Variants in CCDC192 observed in about 807,000 individuals in gnomAD.
The protein encoded by CCDC192 is coiled-coil domain-containing protein 192.
chr5:127,706,952 G>A (rs1257029152), intron 1 of CCDC192, among the ~76,000 whole-genome samples: 2 of 152,188 alleles, frequency 1.3e-5, no homozygotes, highest in East Asian at 3.8e-4. Context: ...GCCCTTGGAT[G>A]TGCTGGGAAC....
intron 5 of CCDC192, among the ~76,000 whole-genome samples, chr5:127,832,290 A>G (rs1028489089): frequency 6.6e-6 from 1 of 152,204 alleles, no homozygotes; most frequent in Non-Finnish European, 1.5e-5. Flanking sequence ...AATGCTGGTA[A>G]GAGTTTACAC....
At chr5:127,860,953 T>G (rs1198896149) in intron 5 of CCDC192, among the ~76,000 whole-genome samples, 1 of 152,218 alleles carries the variant, frequency 6.6e-6, no homozygotes, top group African/African-American at 2.4e-5. Context: ...ATTTGTGTGT[T>G]AAGTAGACAC....
At chr5:127,848,766 A>G (rs548288749) in intron 5 of CCDC192, among the ~76,000 whole-genome samples, 1 of 152,382 alleles carries the variant, frequency 6.6e-6, no homozygotes, top group South Asian at 2.1e-4. Flanking sequence ...AGAATTAGCT[A>G]TCATTATTAC....
intron 5 of CCDC192, among the ~76,000 whole-genome samples, chr5:127,801,079 G>T (rs1757484244): frequency 6.6e-6 from 1 of 152,092 alleles, no homozygotes; most frequent in African/African-American, 2.4e-5. Context: ...TTTGGAATGG[G>T]TGCAGAAAAC....
chr5:127,892,128 A>G (rs1375256748), intron 6 of CCDC192, among the ~76,000 whole-genome samples: 1 of 152,252 alleles, frequency 6.6e-6, no homozygotes, highest in African/African-American at 2.4e-5. Flanking sequence ...CCAAGAAGCT[A>G]TAAAGAATGT....
intron 5 of CCDC192, among the ~76,000 whole-genome samples, chr5:127,859,502 G>C (rs1028915122): frequency 6.6e-6 from 1 of 151,964 alleles, no homozygotes; most frequent in African/African-American, 2.4e-5. Context: ...CAGCTCTGGT[G>C]AATCAATCTC....
intron 2 of CCDC192, among the ~76,000 whole-genome samples, chr5:127,721,118 G>A (rs1178637506): frequency 6.6e-6 from 1 of 152,308 alleles, no homozygotes; most frequent in African/African-American, 2.4e-5. Flanking sequence ...CGGAAAACGG[G>A]TTTTTCTTTT....
chr5:127,814,540 A>G (rs1362349489), intron 5 of CCDC192, among the ~76,000 whole-genome samples: 1 of 152,228 alleles, frequency 6.6e-6, no homozygotes, highest in Admixed American at 6.5e-5. Context: ...ATTTTAGCCT[A>G]AACAGTAGCA....
chr5:127,740,759 A>G (rs1312597864), intron 2 of CCDC192, among the ~76,000 whole-genome samples: 1 of 152,190 alleles, frequency 6.6e-6, no homozygotes, highest in African/African-American at 2.4e-5. Flanking sequence ...AAAAGCCACA[A>G]TCAACTTGGG....
intron 6 of CCDC192, among the ~76,000 whole-genome samples, chr5:127,902,614 C>T (rs1000921497): frequency 1.3e-5 from 2 of 152,206 alleles, no homozygotes; most frequent in Non-Finnish European, 2.9e-5. Flanking sequence ...TGATGTTGGA[C>T]TAGCCTTCAG....
chr5:127,806,527 T>C (rs982059862), intron 5 of CCDC192, among the ~76,000 whole-genome samples: 1 of 152,186 alleles, frequency 6.6e-6, no homozygotes, highest in African/African-American at 2.4e-5. Context: ...ACGCATTTCT[T>C]CAAACATGTA....
At chr5:127,818,341 T>C (rs1749124463) in intron 5 of CCDC192, among the ~76,000 whole-genome samples, 1 of 152,192 alleles carries the variant, frequency 6.6e-6, no homozygotes, top group Admixed American at 6.5e-5. Context: ...GCAGAGGTTT[T>C]CAACCTTGGC....
intron 5 of CCDC192, among the ~76,000 whole-genome samples, chr5:127,818,276 T>A (rs1048386736): frequency 1.3e-5 from 2 of 152,198 alleles, no homozygotes; most frequent in African/African-American, 4.8e-5. Context: ...AACATCAGTC[T>A]TATGCATTGG....
At chr5:127,899,168 G>A (rs982589576) in intron 6 of CCDC192, among the ~76,000 whole-genome samples, 1 of 152,164 alleles carries the variant, frequency 6.6e-6, no homozygotes, top group African/African-American at 2.4e-5. Context: ...TTGCGTTTTT[G>A]GGGGGAGTGA....
intron 3 of CCDC192, among the ~76,000 whole-genome samples, chr5:127,765,400 TTGTGTTAGGATATAC>T (rs1446540064): frequency 6.6e-6 from 1 of 152,210 alleles, no homozygotes; most frequent in Non-Finnish European, 1.5e-5. Flanking sequence ...AAATATATTT[TTGTGTTAGGATATAC>T]TGAGTTTATT....
intron 6 of CCDC192, among the ~76,000 whole-genome samples, chr5:127,933,622 C>T (rs1754110993): frequency 6.6e-6 from 1 of 152,196 alleles, no homozygotes; most frequent in Admixed American, 6.5e-5. Flanking sequence ...GAAGTGTCTT[C>T]ATCAGCCAGG....
intron 6 of CCDC192, among the ~76,000 whole-genome samples, chr5:127,891,619 C>T (rs1752735371): frequency 6.6e-6 from 1 of 152,196 alleles, no homozygotes; most frequent in African/African-American, 2.4e-5. Context: ...TCTTTACTAG[C>T]TCATTACTAT....
intron 2 of CCDC192, among the ~76,000 whole-genome samples, chr5:127,752,704 C>T (rs1222939277): frequency 6.6e-6 from 1 of 152,186 alleles, no homozygotes; most frequent in African/African-American, 2.4e-5. Flanking sequence ...GGGCGCCCCT[C>T]CCCCAGCCTC....
chr5:127,781,792 G>A (rs975348333), intron 3 of CCDC192, among the ~76,000 whole-genome samples: 7 of 152,112 alleles, frequency 4.6e-5, no homozygotes, highest in Non-Finnish European at 1.0e-4. Context: ...AACAGTGACA[G>A]TTTGACTCCT....
Sources: allele counts gnomAD v4.1 joint callset (sites outside exome capture counted in the v4.1 genomes callset), GRCh38; gene constraint gnomAD v4.1.1; transcripts MANE v1.5; gene names NCBI Gene and HGNC (gene_info 2026-07-23, HGNC 2026-07-21).